The following IKZF2 variants were observed in gnomAD, a reference collection of about 807,000 sequenced individuals.
IKZF2 encodes zinc finger protein Helios.
Under a neutral mutation model 49.2 loss-of-function variants are expected in IKZF2, and 15 were observed. The ratio of observed to expected loss-of-function variants is 0.30; its 90% confidence interval spans 0.20 to 0.47. IKZF2 has a LOEUF of 0.47. IKZF2 is among the 20% of genes least tolerant of loss of function. The probability of loss-of-function intolerance (pLI) is 1.00; values close to 1 mark genes in which losing one functional copy is unlikely to be tolerated. For missense variants in IKZF2, 567 were observed against 664.6 expected (o/e 0.85, Z 1.61); for synonymous variants, 227 against 221.4 (o/e 1.03, Z -0.23).
chr2:213,039,004 A>T (rs920564996), intron 6 of IKZF2, among the ~76,000 whole-genome samples: 1 of 147,722 alleles, frequency 6.8e-6, no homozygotes, highest in Non-Finnish European at 1.5e-5. Flanking sequence ...CCACATGGTA[A>T]TTTTTTTTTT....
At chr2:213,033,967 T>C (rs1170792529) in intron 6 of IKZF2, among the ~76,000 whole-genome samples, 1 of 152,248 alleles carries the variant, frequency 6.6e-6, no homozygotes. Context: ...ACCACCTTCA[T>C]TAATTAGCTT....
Position 213,022,029 on chromosome 2 carries a change from T to C in IKZF2, c.676A>G (p.Ser226Gly), listed in dbSNP as rs747282785. The C allele has an allele frequency of 1.9e-6, 3 of 1,613,858 alleles. No individual in the cohort carries two copies. The highest frequency in any genetic ancestry group is 2.5e-6 in the Non-Finnish European group (3 of 1,179,824). The change falls in exon 7 of 9, where the codon AGC becomes GGC. Residue 226 changes from serine to glycine, a missense_variant. Physicochemically the swap from Ser to Gly is moderately conservative, Grantham distance 56. Around this residue, in one of 5 missense-constraint regions of IKZF2, gnomAD observed 310 missense variants for 326.9 expected, o/e 0.95. Coordinates refer to ENST00000434687, the MANE Select transcript of IKZF2 (RefSeq NM_001387220.1). The stretch of plus-strand genomic sequence containing the variant: ...ATGACCTGCCCAGCAGCCTCCATGC[T>C]GACATTCTGGAGATAGTTGTGGCAG... The part of the protein sequence containing the change: ...ERCHNYLQNV[S>G]MEAAGQVMSH...
chr2:213,144,651 T>C (rs1192661408), intron 4 of IKZF2, among the ~76,000 whole-genome samples: 1 of 151,964 alleles, frequency 6.6e-6, no homozygotes, highest in East Asian at 1.9e-4. Flanking sequence ...GTATTTCCAA[T>C]AGCCATCAAG....
At chr2:213,105,481 C>T (rs1455291644) in intron 4 of IKZF2, among the ~76,000 whole-genome samples, 1 of 147,898 alleles carries the variant, frequency 6.8e-6, no homozygotes, top group African/African-American at 2.5e-5. Flanking sequence ...TTTCTCTTAC[C>T]TTTGTCTATA....
rs567193511 is a variant in IKZF2 at position 213,056,105 on chromosome 2, A to G, written c.406+728T>C. On this transcript the variant is annotated intron_variant, in intron 5 of 8. Coordinates refer to ENST00000434687, the MANE Select transcript of IKZF2 (RefSeq NM_001387220.1). ...AAAAAAATTGGCAAAGGGTTTAAAA[A>G]GATTTAAATAAGACCTTCTCATTTG... Among the ~76,000 whole-genome samples the G allele has an allele frequency of 2.0e-5, 3 of 152,268 alleles. No homozygotes were observed. The East Asian group carries it at 5.8e-4, about 29-fold the overall frequency.
chr2:213,014,142 T>C, intron 7 of IKZF2: 2 of 418,134 alleles, frequency 4.8e-6, no homozygotes, highest in East Asian at 3.6e-5. Context: ...TTTGAGTCTC[T>C]CTTAAATCCA....
chr2:213,064,644 C>G (rs1702008586), intron 4 of IKZF2, among the ~76,000 whole-genome samples: 1 of 151,990 alleles, frequency 6.6e-6, no homozygotes, highest in South Asian at 2.1e-4. Context: ...AATAGAAATG[C>G]CTCAGCCAAA....
At chr2:213,075,707 C>T (rs564283353) in intron 4 of IKZF2, among the ~76,000 whole-genome samples, 1 of 152,092 alleles carries the variant, frequency 6.6e-6, no homozygotes, top group East Asian at 1.9e-4. Context: ...GACACAATAA[C>T]CATTAAGTAG....
In IKZF2 at chr2:213,039,941, A is replaced by G. The variant is rs541512520; in HGVS notation, c.574+9772T>C. On this transcript the variant is annotated intron_variant, in intron 6 of 8. Coordinates refer to ENST00000434687, the MANE Select transcript of IKZF2 (RefSeq NM_001387220.1). Reference sequence around the variant, plus strand: ...AAAATAACTTAGTTTTAGAACAAGTATCTTAAATATATGGTTCTCTTAATA... The same window carrying G: ...AAAATAACTTAGTTTTAGAACAAGTGTCTTAAATATATGGTTCTCTTAATA... Among the ~76,000 whole-genome samples, 3 of 152,248 alleles carry G rather than the reference A, an allele frequency of 2.0e-5. 1 individual carries two copies. The South Asian group carries it at 6.2e-4, about 32-fold the overall frequency.
intron 4 of IKZF2, among the ~76,000 whole-genome samples, chr2:213,145,757 C>A (rs904474196): frequency 5.9e-5 from 9 of 152,106 alleles, no homozygotes; most frequent in Admixed American, 5.9e-4. Flanking sequence ...AAATATTTAA[C>A]CTGCAACTCT....
At chr2:213,143,424 C>T (rs2060940401) in intron 4 of IKZF2, among the ~76,000 whole-genome samples, 2 of 151,916 alleles carry the variant, frequency 1.3e-5, no homozygotes, top group South Asian at 4.1e-4. Context: ...AGTTACAGCA[C>T]TTTTGCTGTT....
intron 4 of IKZF2, among the ~76,000 whole-genome samples, chr2:213,077,262 C>T (rs1703370937): frequency 6.6e-6 from 1 of 152,092 alleles, no homozygotes; most frequent in Non-Finnish European, 1.5e-5. Flanking sequence ...TAAAATGTAT[C>T]CATGAAAAGC....
chr2:213,061,645 C>A lies in IKZF2; in HGVS notation c.140-4546G>T, dbSNP rs185152906. ...TAAAGAACAAAGACAGCACTGAATT[C>A]TCTTAAAAAATCATTAAACCAGTAA... On this transcript the variant is annotated intron_variant, in intron 4 of 8. Coordinates refer to ENST00000434687, the MANE Select transcript of IKZF2 (RefSeq NM_001387220.1). 2.0e-5 allele frequency among the ~76,000 whole-genome samples: 3 copies of A among 151,598 alleles called. No individual in the cohort carries two copies. The East Asian group carries it at 5.8e-4, about 29-fold the overall frequency.
intron 4 of IKZF2, among the ~76,000 whole-genome samples, chr2:213,129,543 G>T (rs2060402341): frequency 6.6e-6 from 1 of 151,274 alleles, no homozygotes; most frequent in African/African-American, 2.4e-5. Flanking sequence ...AGAAGAGGAA[G>T]TCAGAGATGG....
intron 4 of IKZF2, among the ~76,000 whole-genome samples, chr2:213,096,664 T>C (rs1706033529): frequency 6.6e-6 from 1 of 152,102 alleles, no homozygotes; most frequent in South Asian, 2.1e-4. Flanking sequence ...TCTACTTTTG[T>C]GGATAAATCT....
intron 4 of IKZF2, among the ~76,000 whole-genome samples, chr2:213,109,880 T>A (rs1236808214): frequency 3.3e-5 from 5 of 152,058 alleles, no homozygotes; most frequent in African/African-American, 1.2e-4. Context: ...ACTGGTGTTT[T>A]AAAACTACCA....
intron 6 of IKZF2, among the ~76,000 whole-genome samples, chr2:213,022,739 T>A (rs1482482304): frequency 6.6e-6 from 1 of 152,142 alleles, no homozygotes; most frequent in East Asian, 1.9e-4. Context: ...TTCTCCCTCA[T>A]CAGCTTTTAT....
chr2:213,056,760 A>G (rs1701190527), intron 5 of IKZF2, 73 bp downstream of exon 5: 2 of 1,570,342 alleles, frequency 1.3e-6, no homozygotes, highest in East Asian at 4.5e-5. Flanking sequence ...TAAAAAGGAA[A>G]GAGAATAGAT....
chr2:213,103,049 C>G (rs1358906092), intron 4 of IKZF2, among the ~76,000 whole-genome samples: 1 of 152,046 alleles, frequency 6.6e-6, no homozygotes, highest in African/African-American at 2.4e-5. Flanking sequence ...AATAAGTAAC[C>G]ACGTTACTCA....
Sources: allele counts gnomAD v4.1 joint callset (sites outside exome capture counted in the v4.1 genomes callset), GRCh38; gene constraint gnomAD v4.1.1; regional missense constraint gnomAD v4.1.1; transcripts MANE v1.5; gene names NCBI Gene and HGNC (gene_info 2026-07-23, HGNC 2026-07-21).